Variants in FHAD1 observed in about 807,000 individuals in gnomAD.
The protein encoded by FHAD1 is forkhead associated phosphopeptide binding domain 1.
In FHAD1, 146 loss-of-function variants were observed where a neutral mutation model predicts 191.3. The ratio of observed to expected loss-of-function variants is 0.76; its 90% CI spans 0.67 to 0.88. The LOEUF (loss-of-function observed/expected upper bound fraction) is 0.88, where lower values mean the gene tolerates loss of function less well. Among genes scored for constraint, FHAD1 ranks in the 40% least tolerant of loss-of-function variants. The pLI is 0.00. For missense variants in FHAD1, 1,635 were observed against 1,785.8 expected, an observed-to-expected ratio of 0.92 and a Z score of 1.52; for synonymous variants, 616 against 672.3, an observed-to-expected ratio of 0.92 and a Z score of 1.29.
At chr1:15,291,801 A>G (rs1664857993) in intron 4 of FHAD1, among the ~76,000 whole-genome samples, 1 of 152,162 alleles carries the variant, frequency 6.6e-6, no homozygotes, top group Non-Finnish European at 1.5e-5. Context: ...GTTCACTCAC[A>G]TCCGTGTGTG....
At chr1:15,296,535 G>A in intron 4 of FHAD1, 149 bp from the exon 5 acceptor site, 1 of 769,976 alleles carries the variant, frequency 1.3e-6, no homozygotes, top group Non-Finnish European at 2.2e-6. Context: ...TTACAGGCGT[G>A]AGCCACAGCG....
intron 5 of FHAD1, among the ~76,000 whole-genome samples, chr1:15,298,100 T>A (rs1667519322): frequency 6.6e-6 from 1 of 152,186 alleles, no homozygotes; most frequent in South Asian, 2.1e-4. Flanking sequence ...GCAGCACAAT[T>A]CACAATTGCA....
intron 20 of FHAD1, among the ~76,000 whole-genome samples, chr1:15,357,497 C>T (rs1348930602): frequency 1.3e-5 from 2 of 152,020 alleles, no homozygotes; most frequent in Admixed American, 6.5e-5. Context: ...GTAGCGTGTG[C>T]CTGTAGTCCC....
Position 15,324,511 on chromosome 1 carries a change from G to A in FHAD1, c.1425G>A (p.Gly475=), listed in dbSNP as rs1242793835. 1 of 1,552,138 alleles carries A rather than the reference G, an allele frequency of 6.4e-7. No individual in the cohort carries two copies. Among genetic ancestry groups the A allele is most frequent in the Admixed American group, 2.0e-5 (1 of 50,996 alleles). Reference sequence around the variant, plus strand: ...AATTGCTTCAGCTGCAAGAAATGGGGAACAGAGAGAGCGTCATTAAAATCA... The same window carrying A: ...AATTGCTTCAGCTGCAAGAAATGGGAAACAGAGAGAGCGTCATTAAAATCA... ...RRKLLQLQEM[G]NRESVIKINL... is the part of the protein sequence containing the mutation. Residue 475 remains glycine, a synonymous_variant, in exon 11 of 34, where the codon GGG becomes GGA. Transcript: ENST00000688493.
intron 3 of FHAD1, among the ~76,000 whole-genome samples, chr1:15,275,725 C>T (rs1658111321): frequency 1.3e-5 from 2 of 151,716 alleles, no homozygotes; most frequent in African/African-American, 4.8e-5. Context: ...AATCTCATCT[C>T]ATTTTGGGGT....
chr1:15,329,278 C>T lies in FHAD1; in HGVS notation c.1711-68C>T, dbSNP rs557862045. The T allele has an allele frequency of 2.2e-5, 29 of 1,330,196 alleles. No homozygotes were observed. Among genetic ancestry groups the T allele is most frequent in the South Asian group, 9.5e-5 (6 of 63,126 alleles). 82.4% of individuals were successfully genotyped at this position (1,330,196 alleles called of 1,614,324 possible). ...TGGCAGAGTCAAGAACGCTGTTCCT[C>T]GAAGGTCACGTCAGGGGCTATTTCT... On this transcript the variant is annotated intron_variant, in intron 13 of 33. Transcript: ENST00000688493. The surrounding 1 kb of genome is among the most constrained non-coding windows in gnomAD (Gnocchi z 5.0).
chr1:15,356,569 G>A (rs916782062), intron 20 of FHAD1, among the ~76,000 whole-genome samples: 11 of 152,076 alleles, frequency 7.2e-5, no homozygotes, highest in Non-Finnish European at 1.3e-4. Context: ...GGTTTCAACC[G>A]CTTTAAGTTT....
intron 5 of FHAD1, 44 bp from the exon 6 acceptor site, chr1:15,301,161 C>G (rs1432042004): frequency 1.3e-6 from 2 of 1,515,364 alleles, no homozygotes; most frequent in Non-Finnish European, 1.8e-6. Context: ...CAGCCTCACA[C>G]CTAGGCCCAC....
intron 2 of FHAD1, among the ~76,000 whole-genome samples, chr1:15,270,348 A>G (rs1386886526): frequency 6.6e-6 from 1 of 152,214 alleles, no homozygotes; most frequent in Admixed American, 6.5e-5. Context: ...AGTGGCTAAT[A>G]GCACAGACAT....
rs1044359122 is a variant in FHAD1 at position 15,308,756 on chromosome 1, C to A, written c.1039+20C>A. The A allele has an allele frequency of 1.9e-6, 3 of 1,551,240 alleles. No individual in the cohort carries two copies. Among genetic ancestry groups the A allele is most frequent in the Admixed American group, 2.0e-5 (1 of 50,980 alleles). Reference sequence around the variant, plus strand: ...CATCAGGTGAGCCCTTGGAGTCGGGCCTGGGAGCTGCCACTCCCGCACCCG... The same window carrying A: ...CATCAGGTGAGCCCTTGGAGTCGGGACTGGGAGCTGCCACTCCCGCACCCG... On this transcript the variant is annotated intron_variant, in intron 7 of 33. Transcript: ENST00000688493.
At chr1:15,308,487 A>G (rs1391691946) in intron 6 of FHAD1, 126 bp from the exon 7 acceptor site, 10 of 1,322,216 alleles carry the variant, frequency 7.6e-6, no homozygotes, top group Non-Finnish European at 1.0e-5. Context: ...AAAACTAAAA[A>G]GCTTGGTTTC....
At chr1:15,301,138 T>G in intron 5 of FHAD1, 67 bp from the exon 6 acceptor site, 2 of 1,439,814 alleles carry the variant, frequency 1.4e-6, no homozygotes, top group South Asian at 1.3e-5. Context: ...CCCCTACTTT[T>G]TTTTAATGGG....
chr1:15,266,971 C>A (rs1338672890), intron 2 of FHAD1, among the ~76,000 whole-genome samples: 1 of 149,066 alleles, frequency 6.7e-6, no homozygotes, highest in Non-Finnish European at 1.5e-5. Flanking sequence ...TATCCATTTA[C>A]CTTCTGAAGA....
chr1:15,274,403 T>A (rs1657443314), intron 3 of FHAD1, among the ~76,000 whole-genome samples: 1 of 151,910 alleles, frequency 6.6e-6, no homozygotes, highest in Non-Finnish European at 1.5e-5. Flanking sequence ...AGCTCAGGAG[T>A]TTGCGACCAG....
intron 10 of FHAD1, among the ~76,000 whole-genome samples, chr1:15,321,811 A>G (rs1468785524): frequency 2.0e-5 from 3 of 152,210 alleles, no homozygotes; most frequent in African/African-American, 7.2e-5. Flanking sequence ...GTGTGCATGC[A>G]TGTGTGTGCA....
intron 2 of FHAD1, among the ~76,000 whole-genome samples, chr1:15,257,915 C>T (rs539427318): frequency 3.3e-5 from 5 of 152,164 alleles, no homozygotes; most frequent in Non-Finnish European, 5.9e-5. Context: ...AATCTTGGCT[C>T]ACTGCGGCCT....
chr1:15,371,800 A>G (rs545068230), intron 26 of FHAD1, among the ~76,000 whole-genome samples: 2 of 152,340 alleles, frequency 1.3e-5, no homozygotes, highest in East Asian at 3.9e-4. Context: ...GACAGGGTCC[A>G]AGGACAAGCG....
Position 15,366,000 on chromosome 1 carries a change from A to T in FHAD1, c.3154+67A>T, listed in dbSNP as rs115489952. ...CGAGAAAGGAAGGAGATGAGGCTAA[A>T]GAGTCGGCCGGGCGCAGTGGCGCAC... On this transcript the variant is annotated intron_variant, in intron 24 of 33. Transcript: ENST00000688493. 1,231 of 1,181,170 alleles carry T rather than the reference A, an allele frequency of 1.0e-3. 1 individual carries two copies. Among genetic ancestry groups the T allele is most frequent in the Non-Finnish European group, 1.4e-3 (1,136 of 815,952 alleles). 73.2% of individuals were successfully genotyped at this position (1,181,170 alleles called of 1,614,324 possible).
chr1:15,375,525 TA>T, intron 27 of FHAD1, 77 bp from the exon 28 acceptor site: 1 of 1,361,438 alleles, frequency 7.3e-7, no homozygotes, highest in Non-Finnish European at 9.8e-7. Context: ...AAGTGTCCTG[TA>T]AATAGTTGCT....
Sources: gnomAD v4.1 joint callset for allele counts (sites outside exome capture counted in the v4.1 genomes callset) on GRCh38, gnomAD v4.1.1 for gene constraint, Gnocchi (gnomAD v3.1) non-coding constraint, MANE v1.5 for transcripts, NCBI Gene and HGNC (gene_info 2026-07-23, HGNC 2026-07-21) for gene names.